The following YY1 variants were observed in gnomAD, a reference collection of about 807,000 sequenced individuals.
YY1 encodes YY1 transcription factor.
In YY1, 2 loss-of-function variants were observed where a neutral mutation model predicts 35.6. The ratio of observed to expected loss-of-function variants is 0.06; its 90% CI spans 0.02 to 0.18. The LOEUF (loss-of-function observed/expected upper bound fraction) is 0.18, where lower values mean the gene tolerates loss of function less well. Among genes scored for constraint, YY1 ranks in the 10% least tolerant of loss-of-function variants. The pLI is 1.00. For synonymous variants in YY1, 268 were observed against 238.9 expected (o/e 1.12, Z -1.12); for missense variants, 322 against 573.4 (o/e 0.56, Z 4.48).
chr14:100,244,238 A>G (rs1301247800), intron 1 of YY1, among the ~76,000 whole-genome samples: 3 of 151,494 alleles, frequency 2.0e-5, no homozygotes, highest in African/African-American at 4.9e-5. Flanking sequence ...TGAATGTAAT[A>G]TCAGTATAGG....
intron 2 of YY1, 128 bp from the exon 3 acceptor site, chr14:100,274,570 T>A: frequency 1.3e-6 from 1 of 768,064 alleles, no homozygotes; most frequent in Non-Finnish European, 2.2e-6. Context: ...CCTTTCTGCT[T>A]CATGGAAATG....
chr14:100,263,445 G>GTT (rs1164486269), intron 2 of YY1, among the ~76,000 whole-genome samples: 1 of 152,196 alleles, frequency 6.6e-6, no homozygotes, highest in Non-Finnish European at 1.5e-5. Flanking sequence ...GGTTGGGTGT[G>GTT]TTTGTTTTGC....
Position 100,248,944 on chromosome 14 carries a change from C to A in YY1, c.679+9021C>A, listed in dbSNP as rs536600137. The stretch of plus-strand genomic sequence containing the variant: ...CCTCATGATCGGCCCGCCTTGGTCT[C>A]CCAAAGTGCTAGGATTACAGGCGTT... On this transcript the variant is annotated intron_variant, in intron 1 of 4. Transcript: ENST00000262238. 2.6e-5 allele frequency among the ~76,000 whole-genome samples: 4 copies of A among 151,878 alleles called. No homozygotes were observed. The South Asian group carries it at 8.3e-4, about 31-fold the overall frequency.
intron 2 of YY1, chr14:100,263,809 G>A (rs531742691): frequency 6.6e-6 from 1 of 152,112 alleles, no homozygotes; most frequent in Non-Finnish European, 1.5e-5. Flanking sequence ...AAAACAAGGT[G>A]GGCAGTTCCT....
chr14:100,248,373 T>C (rs920588657), intron 1 of YY1, among the ~76,000 whole-genome samples: 1 of 152,134 alleles, frequency 6.6e-6, no homozygotes, highest in African/African-American at 2.4e-5. Context: ...CCGCCCGCCT[T>C]GGCCTCCCAA....
chr14:100,239,696 T>A lies in YY1; in HGVS notation c.452T>A (p.Val151Asp). 6.2e-7 allele frequency: 1 copy of A among 1,602,576 alleles called. No individual in the cohort carries two copies. Among genetic ancestry groups the A allele is most frequent in the Non-Finnish European group, 8.5e-7 (1 of 1,178,074 alleles). Residue 151 changes from valine (V) to aspartate (D), a missense_variant, in exon 1 of 5, where the codon GTC becomes GAC. Physicochemically the swap from Val to Asp is radical, Grantham distance 152. This residue lies in a region of YY1 where 152 missense variants were observed against 167.1 expected (regional missense o/e 0.91). Transcript: ENST00000262238. Reference sequence around the variant, plus strand: ...GACGACTACATTGAACAAACGCTGGTCACCGTGGCGGCGGCCGGCAAGAGC... The same window carrying A: ...GACGACTACATTGAACAAACGCTGGACACCGTGGCGGCGGCCGGCAAGAGC... ...GDDDYIEQTL[V>D]TVAAAGKSGG... is the part of the protein sequence containing the mutation.
chr14:100,278,021 A>G lies in YY1; in HGVS notation c.*421A>G, dbSNP rs1443785385. On this transcript the variant is annotated 3_prime_UTR_variant, in exon 5 of 5. Coordinates refer to ENST00000262238, the MANE Select transcript of YY1 (RefSeq NM_003403.5). ...GTGCATATTGTACACTTTTTTGGGG[A>G]TATGCTTAGTAATGCTACGTGTGAT... is the stretch of plus-strand genomic sequence containing the variant. 1 of 183,882 alleles carries G rather than the reference A, an allele frequency of 5.4e-6. No individual in the cohort carries two copies. Among genetic ancestry groups the G allele is most frequent in the East Asian group, 1.5e-4 (1 of 6,718 alleles). The allele number at this position is 183,882 out of a possible 1,614,324, so 11.4% of individuals were successfully genotyped here.
chr14:100,256,028 T>C (rs370591326), intron 1 of YY1, among the ~76,000 whole-genome samples: 1 of 152,094 alleles, frequency 6.6e-6, no homozygotes, highest in Non-Finnish European at 1.5e-5. Context: ...TCCCACCTAC[T>C]TGGGAGGTTG....
chr14:100,269,685 G>A (rs375044217), intron 2 of YY1, among the ~76,000 whole-genome samples: 41 of 152,114 alleles, frequency 2.7e-4, no homozygotes, highest in African/African-American at 9.7e-4. Context: ...TGCTGCATTT[G>A]CCACTCTGTG....
At chr14:100,273,405 C>T (rs761596908) in intron 2 of YY1, among the ~76,000 whole-genome samples, 18 of 152,200 alleles carry the variant, frequency 1.2e-4, no homozygotes, top group South Asian at 2.1e-4. Context: ...TTACTGCCTT[C>T]GGCTTCCCGA....
Position 100,278,533 on chromosome 14 carries a change from T to C in YY1, c.*933T>C, listed in dbSNP as rs572349944. ...TTTCTTTTGTTGTCCAGAATACTTATAATTCTTGAGCCTCCCAGAAATTGG... is the reference window on the plus strand; with the variant it reads ...TTTCTTTTGTTGTCCAGAATACTTACAATTCTTGAGCCTCCCAGAAATTGG... On this transcript the variant is annotated 3_prime_UTR_variant, in exon 5 of 5. Coordinates refer to ENST00000262238, the MANE Select transcript of YY1 (RefSeq NM_003403.5). 9 of 152,510 alleles carry C rather than the reference T, an allele frequency of 5.9e-5. No individual in the cohort carries two copies. The highest frequency in any genetic ancestry group is 2.1e-4 in the South Asian group (1 of 4,832). The allele number at this position is 152,510 out of a possible 1,614,324, so 9.4% of individuals were successfully genotyped here.
At chr14:100,270,718 A>AG (rs1891225495) in intron 2 of YY1, among the ~76,000 whole-genome samples, 1 of 152,172 alleles carries the variant, frequency 6.6e-6, no homozygotes, top group African/African-American at 2.4e-5. Flanking sequence ...CCCCCCTTTT[A>AG]GGTATGTATG....
chr14:100,254,325 C>T (rs1890968602), intron 1 of YY1, among the ~76,000 whole-genome samples: 1 of 152,052 alleles, frequency 6.6e-6, no homozygotes, highest in Non-Finnish European at 1.5e-5. Context: ...TAATGTATTG[C>T]TTTATTGTGT....
chr14:100,260,323 G>A (rs1891063289), intron 1 of YY1, among the ~76,000 whole-genome samples: 1 of 151,520 alleles, frequency 6.6e-6, no homozygotes, highest in Non-Finnish European at 1.5e-5. Flanking sequence ...GGGATTACAG[G>A]CATGAGCCAC....
rs1595333748 is a variant in YY1, at chr14:100,274,692, G to A, written c.843-6G>A. On this transcript the variant is annotated splice_polypyrimidine_tract_variant and splice_region_variant and intron_variant, in intron 2 of 4. Transcript: ENST00000262238. ...ATCTGTCTGTCTCTCTTTTTCTTTT[G>A]ATAAGAATGAAGCCAAGAAAAATTA... The A allele has an allele frequency of 6.2e-7, 1 of 1,613,046 alleles. No individual in the cohort carries two copies. Among genetic ancestry groups the A allele is most frequent in the East Asian group, 2.2e-5 (1 of 44,844 alleles).
At chr14:100,274,044 A>G (rs1891285279) in intron 2 of YY1, among the ~76,000 whole-genome samples, 1 of 152,112 alleles carries the variant, frequency 6.6e-6, no homozygotes, top group Non-Finnish European at 1.5e-5. Context: ...CCATCTGTCC[A>G]CCAGGCCCTA....
intron 1 of YY1, among the ~76,000 whole-genome samples, chr14:100,258,574 G>A (rs527498551): frequency 2.6e-5 from 4 of 152,124 alleles, no homozygotes; most frequent in East Asian, 3.9e-4. Flanking sequence ...CCGTGGTCTC[G>A]ATCATCCTGA....
chr14:100,240,362 G>A (rs1049065822), intron 1 of YY1, among the ~76,000 whole-genome samples: 10 of 148,972 alleles, frequency 6.7e-5, no homozygotes, highest in African/African-American at 1.7e-4. Flanking sequence ...TCGCGGGCCA[G>A]GGATTGCTGC....
chr14:100,240,934 A>C (rs562294355), intron 1 of YY1, among the ~76,000 whole-genome samples: 2 of 151,814 alleles, frequency 1.3e-5, no homozygotes, highest in African/African-American at 4.8e-5. Flanking sequence ...AAAGGTATCT[A>C]TTTTCCCCAT....
Sources: allele counts gnomAD v4.1 joint callset (sites outside exome capture counted in the v4.1 genomes callset), GRCh38; gene constraint gnomAD v4.1.1; regional missense constraint gnomAD v4.1.1; transcripts MANE v1.5; gene names NCBI Gene and HGNC (gene_info 2026-07-23, HGNC 2026-07-21).